Variants in PTPN13 observed in about 807,000 individuals in gnomAD.
The protein encoded by PTPN13 is protein tyrosine phosphatase non-receptor type 13.
A neutral mutation model predicts 284.0 loss-of-function variants in PTPN13; 191 were observed. The ratio of observed to expected loss-of-function variants is 0.67; its 90% confidence interval spans 0.60 to 0.76. The LOEUF is 0.76. PTPN13 is among the 30% of genes least tolerant of loss of function. PTPN13 has a pLI of 0.00. For missense variants in PTPN13, 2,797 were observed against 2,939.9 expected, an observed-to-expected ratio of 0.95 and a Z score of 1.12; for synonymous variants, 986 against 1,022.3, an observed-to-expected ratio of 0.96 and a Z score of 0.68.
intron 44 of PTPN13, 116 bp from the exon 45 acceptor site, chr4:86,807,444 G>A: frequency 1.4e-6 from 1 of 735,792 alleles, no homozygotes; most frequent in South Asian, 1.9e-5. Context: ...AAATACGTTG[G>A]TGATTTCATC....
At chr4:86,723,534 C>T (rs28578632) in intron 10 of PTPN13, among the ~76,000 whole-genome samples, 12,481 of 152,176 alleles carry the variant, frequency 0.082, 647 homozygotes, top group Non-Finnish European at 0.11. Flanking sequence ...GATCGGGGAC[C>T]GCTGCTTTAA....
At chr4:86,676,973 A>G (rs1728339191) in intron 3 of PTPN13, among the ~76,000 whole-genome samples, 1 of 152,142 alleles carries the variant, frequency 6.6e-6, no homozygotes, top group Non-Finnish European at 1.5e-5. Context: ...CACTACTGAA[A>G]TATATACTTA....
At chr4:86,703,768 C>G (rs1002892704) in intron 7 of PTPN13, among the ~76,000 whole-genome samples, 2 of 152,040 alleles carry the variant, frequency 1.3e-5, no homozygotes, top group African/African-American at 4.8e-5. Flanking sequence ...ACTCAGGAGG[C>G]TGAGGTGGGA....
chr4:86,704,786 C>T (rs981869103), intron 7 of PTPN13, among the ~76,000 whole-genome samples: 10 of 152,112 alleles, frequency 6.6e-5, no homozygotes, highest in African/African-American at 2.4e-4. Context: ...ACCCATTATT[C>T]CCCCAGAGGA....
At chr4:86,781,933 A>G (rs1398557625) in intron 36 of PTPN13, among the ~76,000 whole-genome samples, 1 of 151,598 alleles carries the variant, frequency 6.6e-6, no homozygotes, top group Non-Finnish European at 1.5e-5. Flanking sequence ...ACTGCACTCC[A>G]GCCTGGCAAC....
At chr4:86,741,256 A>G (rs1736137679) in intron 15 of PTPN13, among the ~76,000 whole-genome samples, 1 of 152,218 alleles carries the variant, frequency 6.6e-6, no homozygotes, top group African/African-American at 2.4e-5. Flanking sequence ...TGATAAAGAC[A>G]TACCTGAGAC....
Position 86,732,782 on chromosome 4 carries a change from A to G in PTPN13, c.1858+16A>G, listed in dbSNP as rs1053084102. 6.2e-6 allele frequency: 10 copies of G among 1,606,890 alleles called. No individual in the cohort carries two copies. Among genetic ancestry groups the G allele is most frequent in the Non-Finnish European group, 8.5e-6 (10 of 1,175,232 alleles). ...ACCCTCAAAGGTACCAAGACATTTT[A>G]TATTCAGAGTACAGTATAGAAATTT... On this transcript the variant is annotated intron_variant, in intron 12 of 47. Coordinates refer to ENST00000411767, the MANE Select transcript of PTPN13 (RefSeq NM_080683.3).
intron 9 of PTPN13, among the ~76,000 whole-genome samples, chr4:86,718,201 C>G (rs543543953): frequency 6.6e-6 from 1 of 152,252 alleles, no homozygotes; most frequent in South Asian, 2.1e-4. Flanking sequence ...GAATTTACTT[C>G]TAAAATGTGG....
At chr4:86,713,668 T>C (rs188840606) in intron 7 of PTPN13, among the ~76,000 whole-genome samples, 1 of 152,214 alleles carries the variant, frequency 6.6e-6, no homozygotes, top group East Asian at 1.9e-4. Flanking sequence ...GTTCTCCAAG[T>C]AAACATTATC....
At position 86,672,408 on chromosome 4, in the gene PTPN13, A is replaced by G. The variant is rs371715349; in HGVS notation, c.159A>G (p.Pro53=). The G allele has an allele frequency of 3.2e-4, 501 of 1,558,102 alleles. 1 individual carries two copies. The highest frequency in any genetic ancestry group is 4.0e-4 in the Non-Finnish European group (462 of 1,150,322). The change falls in exon 3 of 48, where the codon CCA becomes CCG. Residue 53 remains proline, a synonymous_variant. Transcript: ENST00000411767. ...CTGCCCTTGGCTTCATCATTTCTCC[A>G]TGGTCTCTGCTGTTGCTGCCATCTG... ...DPAALGFIIS[P]WSLLLLPSGS... is the part of the protein sequence containing the mutation.
At chr4:86,637,076 C>T (rs1421682934) in intron 2 of PTPN13, among the ~76,000 whole-genome samples, 1 of 152,066 alleles carries the variant, frequency 6.6e-6, no homozygotes, top group Non-Finnish European at 1.5e-5. Flanking sequence ...CTAGAAAATC[C>T]AGAAGAAATG....
At chr4:86,691,191 C>T (rs1045040727) in intron 5 of PTPN13, among the ~76,000 whole-genome samples, 2 of 148,334 alleles carry the variant, frequency 1.3e-5, no homozygotes, top group Admixed American at 6.8e-5. Context: ...TGCACCACTG[C>T]AGTCCAACCT....
In PTPN13 at chr4:86,750,581, C is replaced by T; in HGVS notation, c.2762C>T (p.Ala921Val). Residue 921 changes from alanine to valine, a missense_variant, in exon 18 of 48, where the codon GCT becomes GTT. By Grantham distance (64) the Ala-to-Val change is moderately conservative (BLOSUM62 0). Coordinates refer to ENST00000411767, the MANE Select transcript of PTPN13 (RefSeq NM_080683.3). ...GCCAGCAGCACCCTCAACAAACTTG[C>T]TGTTCGACCTTTATCAGTTCAAGCT... The part of the protein sequence containing the change: ...SLASSTLNKL[A>V]VRPLSVQAEI... 6.2e-7 allele frequency: 1 copy of T among 1,613,942 alleles called. No homozygotes were observed. Among genetic ancestry groups the T allele is most frequent in the Non-Finnish European group, 8.5e-7 (1 of 1,179,866 alleles).
intron 36 of PTPN13, among the ~76,000 whole-genome samples, chr4:86,781,960 GAA>G (rs370324871): frequency 1.8e-5 from 2 of 113,906 alleles, no homozygotes; most frequent in Admixed American, 9.2e-5. Context: ...TGACTCTGTC[GAA>G]AAAAAAAAAA....
chr4:86,646,330 C>G (rs1565222389), intron 2 of PTPN13, among the ~76,000 whole-genome samples: 1 of 148,406 alleles, frequency 6.7e-6, no homozygotes, highest in South Asian at 2.1e-4. Flanking sequence ...CAGAATCTCC[C>G]TCTGTTGCCT....
At chr4:86,695,361 T>C (rs1243716513) in intron 6 of PTPN13, among the ~76,000 whole-genome samples, 1 of 152,134 alleles carries the variant, frequency 6.6e-6, no homozygotes, top group East Asian at 1.9e-4. Flanking sequence ...ACTGTACTTT[T>C]GTCACTTTCT....
In PTPN13 at chr4:86,594,726, A is replaced by T. The variant is rs1173580056; in HGVS notation, c.-69A>T. ...CGGCGGCTGCCGGCGGCCCGCCCCGACGCCGCGTCCCTGCAGCCCTCGCCC... is the reference window on the plus strand; with the variant it reads ...CGGCGGCTGCCGGCGGCCCGCCCCGTCGCCGCGTCCCTGCAGCCCTCGCCC... On this transcript the variant is annotated 5_prime_UTR_variant, in exon 1 of 48. Transcript: ENST00000411767. The T allele has an allele frequency of 6.6e-6, 1 of 152,210 alleles. No homozygotes were observed. The allele number at this position is 152,210 out of a possible 1,614,324, so 9.4% of individuals were successfully genotyped here. A position where few individuals can be genotyped will look rare whatever the true frequency, so the allele number is the denominator to read the frequency against.
chr4:86,756,200 T>C (rs28545322), intron 20 of PTPN13, among the ~76,000 whole-genome samples: 12,383 of 152,020 alleles, frequency 0.081, 644 homozygotes, highest in Non-Finnish European at 0.11. Context: ...TGTTCTCTCT[T>C]ACCACCTCAT....
In PTPN13 at chr4:86,741,881, A is replaced by AT. The variant is rs1565461928; in HGVS notation, c.2487+67dup. ...ATATTACCAACTTCCAATGTAACAT[A>AT]TTAACAGACTTTCCTTAGACTCTGC... On this transcript the variant is annotated intron_variant, in intron 16 of 47. Coordinates refer to ENST00000411767, the MANE Select transcript of PTPN13 (RefSeq NM_080683.3). 6.5e-6 allele frequency: 9 copies of AT among 1,380,458 alleles called. No homozygotes were observed. The African/African-American group carries it at 1.0e-4, about 16-fold the overall frequency. The allele number at this position is 1,380,458 out of a possible 1,614,324, so 85.5% of individuals were successfully genotyped here. A position where few individuals can be genotyped will look rare whatever the true frequency, so the allele number is the denominator to read the frequency against.
Sources: allele counts gnomAD v4.1 joint callset (sites outside exome capture counted in the v4.1 genomes callset), GRCh38; gene constraint gnomAD v4.1.1; transcripts MANE v1.5; gene names NCBI Gene and HGNC (gene_info 2026-07-23, HGNC 2026-07-21).